The following PARN variants were observed in gnomAD, a reference collection of about 807,000 sequenced individuals.
PARN encodes the protein poly(A)-specific ribonuclease, also known as poly(A)-specific ribonuclease PARN.
Under a neutral mutation model 102.8 loss-of-function variants are expected in PARN, and 71 were observed. The observed-to-expected ratio is 0.69, with a 90% confidence interval of 0.57 to 0.84. PARN has a LOEUF of 0.84. Among genes scored for constraint, PARN ranks in the 40% least tolerant of loss-of-function variants. The pLI is 0.00. For missense variants in PARN, 782 were observed against 760.9 expected, an observed-to-expected ratio of 1.03 and a Z score of -0.33; for synonymous variants, 261 against 252.9, an observed-to-expected ratio of 1.03 and a Z score of -0.30.
chr16:14,598,782 CCT>C (rs1329945302), intron 12 of PARN, among the ~76,000 whole-genome samples: 4 of 152,146 alleles, frequency 2.6e-5, no homozygotes, highest in Non-Finnish European at 5.9e-5. Context: ...CTACAGCGCC[CCT>C]GTGTTTACAA....
chr16:14,454,019 G>A (rs1474266179), intron 22 of PARN, among the ~76,000 whole-genome samples: 1 of 151,970 alleles, frequency 6.6e-6, no homozygotes, highest in African/African-American at 2.4e-5. Flanking sequence ...CTATTTATTG[G>A]CCATTTGTAT....
chr16:14,619,597 C>A (rs941493557), intron 5 of PARN, among the ~76,000 whole-genome samples: 4 of 151,704 alleles, frequency 2.6e-5, no homozygotes, highest in African/African-American at 9.7e-5. Context: ...CCCATCTCTA[C>A]AAAAAATTTA....
chr16:14,624,586 A>G (rs760404397), intron 5 of PARN, among the ~76,000 whole-genome samples: 3 of 152,224 alleles, frequency 2.0e-5, no homozygotes, highest in Non-Finnish European at 2.9e-5. Flanking sequence ...TTTCCAATAC[A>G]TTTCTCAAAA....
At chr16:14,526,450 T>C (rs968258097) in intron 21 of PARN, among the ~76,000 whole-genome samples, 2 of 152,164 alleles carry the variant, frequency 1.3e-5, no homozygotes, top group Non-Finnish European at 2.9e-5. Context: ...GTGCTGGGAT[T>C]ACAGGCATGA....
chr16:14,572,849 C>A (rs1266914750), intron 18 of PARN, among the ~76,000 whole-genome samples: 2 of 152,060 alleles, frequency 1.3e-5, no homozygotes, highest in Non-Finnish European at 2.9e-5. Context: ...ACCACCTCTA[C>A]CTTTACTGAA....
chr16:14,451,845 AAAAAAAAAAAAAAAAAAAAAATAC>A (rs1288698315), intron 22 of PARN, among the ~76,000 whole-genome samples: 19 of 58,514 alleles, frequency 3.2e-4, no homozygotes, highest in Middle Eastern at 9.3e-3. Flanking sequence ...CCCGTCTCTA[AAAAAAAAAAAAAAAAAAAAAATAC>A]AAAAAAAAAA....
At chr16:14,588,218 G>C (rs1413728367) in intron 13 of PARN, among the ~76,000 whole-genome samples, 1 of 152,198 alleles carries the variant, frequency 6.6e-6, no homozygotes, top group East Asian at 1.9e-4. Context: ...ATTCAAGTTG[G>C]AAGAAATTAA....
At chr16:14,550,342 C>CT (rs953352156) in intron 21 of PARN, among the ~76,000 whole-genome samples, 92 of 152,278 alleles carry the variant, frequency 6.0e-4, no homozygotes, top group African/African-American at 2.2e-3. Context: ...TCTGATGCTC[C>CT]TGAGTACATT....
At chr16:14,612,334 G>T (rs1251044286) in intron 6 of PARN, among the ~76,000 whole-genome samples, 1 of 152,092 alleles carries the variant, frequency 6.6e-6, no homozygotes, top group African/African-American at 2.4e-5. Flanking sequence ...CTACTTGGGA[G>T]GCTAAGGCAG....
intron 23 of PARN, among the ~76,000 whole-genome samples, chr16:14,439,052 G>A (rs539559478): frequency 1.3e-5 from 2 of 152,288 alleles, no homozygotes; most frequent in South Asian, 2.1e-4. Context: ...TGGAGTGTAA[G>A]GAATCATTTA....
intron 21 of PARN, among the ~76,000 whole-genome samples, chr16:14,516,672 A>G (rs1965474219): frequency 6.6e-6 from 1 of 152,226 alleles, no homozygotes; most frequent in South Asian, 2.1e-4. Flanking sequence ...CTGACAAACT[A>G]ACATTCAAGA....
intron 17 of PARN, among the ~76,000 whole-genome samples, chr16:14,581,504 C>T (rs1339168724): frequency 1.3e-5 from 2 of 152,140 alleles, no homozygotes; most frequent in South Asian, 2.1e-4. Flanking sequence ...AATGGTAGTG[C>T]TATAGGTTCA....
At position 14,602,285 on chromosome 16, in the gene PARN, G is replaced by A. The variant is rs1014025242; in HGVS notation, c.783+1861C>T. ...CAATAATCTCCCGGTACATTTTGTC[G>A]ACTTCTGCCTATCATTTAAATGCTG... is the stretch of plus-strand genomic sequence containing the variant. On this transcript the variant is annotated intron_variant, in intron 11 of 23. Coordinates refer to ENST00000437198, the MANE Select transcript of PARN (RefSeq NM_002582.4). Among the ~76,000 whole-genome samples the A allele has an allele frequency of 2.6e-5, 4 of 151,892 alleles. No homozygotes were observed. In the East Asian group the frequency reaches 7.8e-4, roughly 30 times the overall value.
chr16:14,593,492 TAAAAAAAAAAA>T (rs35329440), intron 12 of PARN, 114 bp from the exon 13 acceptor site: 956 of 31,864 alleles, frequency 0.03, 22 homozygotes, highest in African/African-American at 0.087. Context: ...TTTCCAGACT[TAAAAAAAAAAA>T]AAAAAAAAAA....
chr16:14,555,888 T>G (rs1440291281), intron 18 of PARN, among the ~76,000 whole-genome samples, 179 bp from the exon 19 acceptor site: 2 of 152,098 alleles, frequency 1.3e-5, no homozygotes, highest in Non-Finnish European at 2.9e-5. Context: ...TTTTTTTAGA[T>G]GGAGTTTCAC....
At chr16:14,449,913 C>T (rs1488869146) in intron 22 of PARN, among the ~76,000 whole-genome samples, 1 of 152,134 alleles carries the variant, frequency 6.6e-6, no homozygotes, top group African/African-American at 2.4e-5. Context: ...ATGACTTATT[C>T]TTATGGAGGG....
At chr16:14,451,869 C>CAAAAAAAAAAAAAAAAAAAAAAATAA (rs1961468017) in intron 22 of PARN, among the ~76,000 whole-genome samples, 1 of 52,498 alleles carries the variant, frequency 1.9e-5, no homozygotes, top group Non-Finnish European at 3.2e-5. Context: ...AAAAAAAATA[C>CAAAAAAAAAAAAAAAAAAAAAAATAA]AAAAAAAAAA....
chr16:14,622,012 G>A (rs766374950), intron 5 of PARN, among the ~76,000 whole-genome samples: 11 of 151,874 alleles, frequency 7.2e-5, no homozygotes, highest in Non-Finnish European at 1.5e-4. Context: ...GGCCAACATG[G>A]TGAAACTCTG....
At chr16:14,606,619 TAA>T in intron 9 of PARN, 93 bp from the exon 10 acceptor site, 2 of 607,234 alleles carry the variant, frequency 3.3e-6, no homozygotes, top group Non-Finnish European at 5.8e-6. Flanking sequence ...ACTAATTAAG[TAA>T]GTTTTATTAA....
Sources: gnomAD v4.1 joint callset for allele counts (sites outside exome capture counted in the v4.1 genomes callset) on GRCh38, gnomAD v4.1.1 for gene constraint, MANE v1.5 for transcripts, NCBI Gene and HGNC (gene_info 2026-07-23, HGNC 2026-07-21) for gene names.